IRAG2: variants seen among roughly 807,000 people sequenced by gnomAD.
IRAG2 encodes inositol 1,4,5-triphosphate receptor associated 2.
Under a neutral mutation model 69.9 loss-of-function variants are expected in IRAG2, and 45 were observed. The ratio of observed to expected loss-of-function variants is 0.64; its 90% CI spans 0.51 to 0.83. The LOEUF (loss-of-function observed/expected upper bound fraction) is 0.83, where lower values mean the gene tolerates loss of function less well. Ranked by LOEUF, IRAG2 falls within the 40% of genes least tolerant of loss-of-function variation. IRAG2 has a pLI of 0.00. For missense variants in IRAG2, 520 were observed against 587.0 expected (o/e 0.89, Z 1.18); for synonymous variants, 193 against 202.4 (o/e 0.95, Z 0.40).
chr12:25,025,115 T>C (rs1944610858), intron 8 of IRAG2, among the ~76,000 whole-genome samples: 1 of 152,228 alleles, frequency 6.6e-6, no homozygotes, highest in Non-Finnish European at 1.5e-5. Flanking sequence ...CTTAGAGCTA[T>C]TCTAAGTGCT....
intron 14 of IRAG2, among the ~76,000 whole-genome samples, chr12:25,091,959 T>A (rs1038799333): frequency 2.6e-5 from 4 of 152,254 alleles, no homozygotes; most frequent in Admixed American, 1.3e-4. Context: ...CAGAAAAAAA[T>A]TTTATTTATA....
chr12:25,090,019 C>A, intron 13 of IRAG2, 38 bp from the exon 14 acceptor site: 9 of 1,601,118 alleles, frequency 5.6e-6, no homozygotes, highest in Non-Finnish European at 7.7e-6. Context: ...ATCCGGTTTT[C>A]TCTCCTCTTC....
exon 1 of IRAG2, chr12:25,004,547 T>C (rs1413627543): frequency 8.1e-7 from 1 of 1,231,946 alleles, no homozygotes; most frequent in East Asian, 3.2e-5. Context: ...GCTGCTTGTG[T>C]TCCTACGCCC....
chr12:25,060,668 CTTT>C (rs753591747), intron 1 of IRAG2, among the ~76,000 whole-genome samples: 5 of 99,280 alleles, frequency 5.0e-5, no homozygotes, highest in Non-Finnish European at 1.9e-5. Context: ...AATGTATTTT[CTTT>C]TTTTTTTTTT....
At chr12:25,096,107 G>A (rs1948401230) in intron 14 of IRAG2, among the ~76,000 whole-genome samples, 1 of 146,310 alleles carries the variant, frequency 6.8e-6, no homozygotes, top group East Asian at 2.0e-4. Flanking sequence ...GAGAGGATAC[G>A]TGATTGTCCC....
chr12:25,061,983 T>C (rs1262032328), intron 2 of IRAG2, among the ~76,000 whole-genome samples: 1 of 152,244 alleles, frequency 6.6e-6, no homozygotes, highest in African/African-American at 2.4e-5. Flanking sequence ...GGGCATATCA[T>C]TCAATTTATA....
chr12:25,035,539 G>C (rs1591933159), intron 13 of IRAG2: 2 of 396,780 alleles, frequency 5.0e-6, no homozygotes, highest in East Asian at 7.1e-5. Context: ...AGACTATTGA[G>C]AACCAAATGA....
upstream of IRAG2, among the ~76,000 whole-genome samples, chr12:25,050,147 CAAAT>C (rs1944831127): frequency 6.6e-6 from 1 of 150,498 alleles, no homozygotes; most frequent in African/African-American, 2.4e-5. Context: ...AAACAAAAAA[CAAAT>C]AAAAAAAAGT....
In IRAG2 at chr12:25,079,246, G is replaced by A. The variant is rs1032994958; in HGVS notation, c.27G>A (p.Glu9=). 2 of 1,614,004 alleles carry A rather than the reference G, an allele frequency of 1.2e-6. No individual in the cohort carries two copies. The highest frequency in any genetic ancestry group is 2.7e-5 in the African/African-American group (2 of 74,920). The change falls in exon 7 of 22, where the codon GAG becomes GAA. Residue 9 remains glutamate (E), a splice_region_variant and synonymous_variant. Transcript: ENST00000556887. MNDDPSME[E]NGVERVCPES... is the part of the protein sequence containing the mutation. ...TGTCTCCTTTCTTTTTCCTTAAGGA[G>A]AATGGTGTTGAACGCGTGTGTCCTG...
At chr12:25,071,379 T>A (rs1364935708) in intron 6 of IRAG2, among the ~76,000 whole-genome samples, 6 of 152,154 alleles carry the variant, frequency 3.9e-5, no homozygotes, top group Admixed American at 6.5e-5. Flanking sequence ...TGAAAATTTT[T>A]AAAAATATAT....
rs542065631 is a variant in IRAG2 at position 25,013,897 on chromosome 12, CAG to C, written c.897-1282_897-1281del. The stretch of plus-strand genomic sequence containing the variant: ...TTTTTTTTTTTTTTTTTTTTTGAGA[CAG>C]AGTCTCGCTCTGTTGCCCAGGCTGG... On this transcript the variant is annotated intron_variant, in intron 3 of 38. Coordinates refer to the IRAG2 transcript ENST00000636465. Among the ~76,000 whole-genome samples the C allele has an allele frequency of 2.9e-4, 23 of 80,272 alleles. 1 individual carries two copies. The South Asian group carries it at 1.0e-2, about 35-fold the overall frequency. The allele number at this position is 80,272 out of a possible 152,430, so 52.7% of individuals were successfully genotyped here. A position where few individuals can be genotyped will look rare whatever the true frequency, so the allele number is the denominator to read the frequency against.
intron 4 of IRAG2, chr12:25,015,293 T>A (rs1182934109): frequency 1.5e-5 from 19 of 1,231,088 alleles, no homozygotes; most frequent in Non-Finnish European, 1.1e-5. Flanking sequence ...ATTGTTCTGT[T>A]TTCTTACGGT....
chr12:25,050,536 C>A (rs12819893), upstream of IRAG2, among the ~76,000 whole-genome samples: 3,252 of 13,820 alleles, frequency 0.24, 393 homozygotes, highest in Middle Eastern at 0.58. Context: ...TCAAAAAAAA[C>A]AAACAAACAA....
rs1014019904 is a variant in IRAG2 at position 25,015,034 on chromosome 12, A to AT, written c.897-141dup. The AT allele has an allele frequency of 8.0e-5, 30 of 377,268 alleles. No individual in the cohort carries two copies. In the East Asian group the frequency reaches 8.8e-4, roughly 11 times the overall value. 23.4% of individuals were successfully genotyped at this position (377,268 alleles called of 1,614,324 possible). ...CCAAATAGTTGTTGAATGAATATAT[A>AT]TTTTTTTAACTCAGAAGGAATTACC... is the stretch of plus-strand genomic sequence containing the variant. On this transcript the variant is annotated intron_variant, in intron 3 of 38. Transcript: ENST00000636465.
At chr12:25,067,026 A>G (rs1486889664) in intron 5 of IRAG2, among the ~76,000 whole-genome samples, 1 of 152,172 alleles carries the variant, frequency 6.6e-6, no homozygotes, top group East Asian at 1.9e-4. Context: ...CTTGAATTTC[A>G]TAATACCACT....
chr12:25,103,867 T>G lies in IRAG2; in HGVS notation c.964T>G (p.Ser322Ala), dbSNP rs745955432. ...PSSLRRVTIA[S>A]LPRNIGNAGM... is the part of the protein sequence containing the mutation. Reference sequence around the variant, plus strand: ...TTCTCTACGAAGAGTGACTATTGCCTCTTTACCCAGAAATATTGGAAATGC... The same window carrying G: ...TTCTCTACGAAGAGTGACTATTGCCGCTTTACCCAGAAATATTGGAAATGC... Residue 322 changes from serine to alanine, a missense_variant, in exon 18 of 22, where the codon TCT (serine) becomes GCT (alanine). Coordinates refer to ENST00000556887, the MANE Select transcript of IRAG2 (RefSeq NM_001366544.2). 1.2e-6 allele frequency: 2 copies of G among 1,613,408 alleles called. No homozygotes were observed. The highest frequency in any genetic ancestry group is 1.7e-6 in the Non-Finnish European group (2 of 1,179,500).
At chr12:25,050,794 C>T, upstream of IRAG2, among the ~76,000 whole-genome samples, 1 of 152,108 alleles carries the variant, frequency 6.6e-6, no homozygotes, top group Non-Finnish European at 1.5e-5. Flanking sequence ...ATTATCCAAC[C>T]TTTAAAAAGA....
At chr12:25,053,909 A>T (rs1945043151) in intron 1 of IRAG2, among the ~76,000 whole-genome samples, 1 of 152,124 alleles carries the variant, frequency 6.6e-6, no homozygotes, top group Non-Finnish European at 1.5e-5. Context: ...AAAGCTATTT[A>T]GGAGTTTAAG....
intron 6 of IRAG2, among the ~76,000 whole-genome samples, chr12:25,074,174 C>T (rs978203060): frequency 1.3e-5 from 2 of 152,166 alleles, no homozygotes; most frequent in African/African-American, 4.8e-5. Flanking sequence ...TAAACACACA[C>T]AAATACTTTA....
Sources: allele counts gnomAD v4.1 joint callset (sites outside exome capture counted in the v4.1 genomes callset), GRCh38; gene constraint gnomAD v4.1.1; transcripts MANE v1.5; gene names NCBI Gene and HGNC (gene_info 2026-07-23, HGNC 2026-07-21).